CNTFR: variants seen among roughly 807,000 people sequenced by gnomAD.
CNTFR encodes ciliary neurotrophic factor receptor.
CNTFR carries 12 observed loss-of-function variants against 40.4 expected under a neutral mutation model. The observed-to-expected ratio is 0.30, with a 90% CI of 0.19 to 0.48. CNTFR has a LOEUF of 0.48. CNTFR is among the 20% of genes least tolerant of loss of function. CNTFR has a pLI of 0.99. For missense variants in CNTFR, 414 were observed against 506.8 expected (o/e 0.82, Z 1.76); for synonymous variants, 202 against 209.6 (o/e 0.96, Z 0.31).
intron 7 of CNTFR, among the ~76,000 whole-genome samples, chr9:34,553,497 T>C (rs774677936): frequency 1.4e-4 from 22 of 152,188 alleles, no homozygotes; most frequent in Non-Finnish European, 3.2e-4. Context: ...AGCACTGTCA[T>C]TACCATGGCT....
intron 2 of CNTFR, among the ~76,000 whole-genome samples, chr9:34,569,182 CT>C (rs1826460908): frequency 6.6e-6 from 1 of 152,172 alleles, no homozygotes; most frequent in South Asian, 2.1e-4. Context: ...CTTAGGAAGC[CT>C]GGTTTAAGGT....
At chr9:34,589,901 C>T (rs1315773572), upstream of CNTFR, among the ~76,000 whole-genome samples, 2 of 150,364 alleles carry the variant, frequency 1.3e-5, no homozygotes, top group South Asian at 2.1e-4. The surrounding 1 kb of genome is among the most constrained non-coding windows in gnomAD (Gnocchi z 4.4). Context: ...CGCCACGACC[C>T]CTCCCCGCCA....
chr9:34,583,246 T>G (rs1371007470), intron 1 of CNTFR, among the ~76,000 whole-genome samples: 1 of 152,232 alleles, frequency 6.6e-6, no homozygotes, highest in Non-Finnish European at 1.5e-5. Flanking sequence ...TATCTTGGAT[T>G]AATGCCCTTT....
At chr9:34,575,163 G>A (rs1287524026) in intron 2 of CNTFR, among the ~76,000 whole-genome samples, 2 of 152,142 alleles carry the variant, frequency 1.3e-5, no homozygotes, top group Admixed American at 1.3e-4. Context: ...TGGACACATA[G>A]GCTCTGGAGA....
At chr9:34,575,389 G>A (rs2132221819) in intron 2 of CNTFR, among the ~76,000 whole-genome samples, 1 of 152,302 alleles carries the variant, frequency 6.6e-6, no homozygotes, top group South Asian at 2.1e-4. Flanking sequence ...GAAAGGCAGG[G>A]GATGGGCAGA....
intron 1 of CNTFR, among the ~76,000 whole-genome samples, chr9:34,583,466 G>A (rs1307464540): frequency 6.6e-6 from 1 of 152,136 alleles, no homozygotes; most frequent in Non-Finnish European, 1.5e-5. Flanking sequence ...CAGGAGGAAG[G>A]CACCAGGACA....
chr9:34,564,576 T>A (rs755382322), intron 4 of CNTFR, 23 bp downstream of exon 4: 9 of 1,581,686 alleles, frequency 5.7e-6, no homozygotes, highest in Non-Finnish European at 7.7e-6. Flanking sequence ...GGAGGCTGGA[T>A]GAGGGGTGGG....
chr9:34,561,777 C>T (rs1283924938), intron 4 of CNTFR, among the ~76,000 whole-genome samples: 2 of 152,226 alleles, frequency 1.3e-5, no homozygotes, highest in Non-Finnish European at 2.9e-5. Flanking sequence ...TTGCCAAAGC[C>T]AGTCTCTTGT....
intron 4 of CNTFR, among the ~76,000 whole-genome samples, chr9:34,563,466 G>T (rs2132155705): frequency 6.6e-6 from 1 of 152,312 alleles, no homozygotes; most frequent in African/African-American, 2.4e-5. Flanking sequence ...TCGCCAAGAG[G>T]CAATGTCTGG....
At chr9:34,567,881 G>C (rs1255348684) in intron 3 of CNTFR, 1 of 152,232 alleles carries the variant, frequency 6.6e-6, no homozygotes, top group Non-Finnish European at 1.5e-5. Flanking sequence ...GGGGACACAA[G>C]GTAGAGACCA....
chr9:34,572,333 CAG>C (rs1012569460), intron 2 of CNTFR, among the ~76,000 whole-genome samples: 1 of 152,118 alleles, frequency 6.6e-6, no homozygotes, highest in African/African-American at 2.4e-5. Context: ...CCACCCATCC[CAG>C]GGCAAAGAGC....
intron 1 of CNTFR, among the ~76,000 whole-genome samples, chr9:34,584,675 C>T (rs1827467162): frequency 6.6e-6 from 1 of 152,230 alleles, no homozygotes; most frequent in Admixed American, 6.5e-5. Context: ...GGAATTTCTT[C>T]TTGTCCAAGA....
At chr9:34,568,787 G>A in intron 3 of CNTFR, 110 bp downstream of exon 3, 1 of 966,318 alleles carries the variant, frequency 1.0e-6, no homozygotes, top group Non-Finnish European at 1.6e-6. Flanking sequence ...GGTCATGTGT[G>A]ACAATGCCAG....
rs1267637768 is a variant in CNTFR, at chr9:34,556,411, A to G, written c.612T>C (p.Pro204=). 6.2e-7 allele frequency: 1 copy of G among 1,609,302 alleles called. No individual in the cohort carries two copies. The highest frequency in any genetic ancestry group is 1.7e-5 in the Admixed American group (1 of 59,696). ...ITFDEFTIVK[P]DPPENVVARP... is the part of the protein sequence containing the mutation. Reference sequence around the variant, plus strand: ...GGGCTACCACATTTTCTGGAGGATCAGGCTTCACTGTTCAGGAGACATAGC... The same window carrying G: ...GGGCTACCACATTTTCTGGAGGATCGGGCTTCACTGTTCAGGAGACATAGC... Residue 204 remains proline (P), a synonymous_variant, in exon 7 of 10, where the codon CCT becomes CCC. Transcript: ENST00000378980.
At position 34,575,356 on chromosome 9, in the gene CNTFR, T is replaced by A. The variant is rs974827830; in HGVS notation, c.-1+5739A>T. On this transcript the variant is annotated intron_variant, in intron 2 of 9. Coordinates refer to ENST00000378980, the MANE Select transcript of CNTFR (RefSeq NM_147164.3). The stretch of plus-strand genomic sequence containing the variant: ...TGTAGGGACAGAACGCTGTAGCACA[T>A]TAGACAGCTGGAAGAACTCAACGAA... Among the ~76,000 whole-genome samples the A allele has an allele frequency of 2.0e-5, 3 of 152,120 alleles. No individual in the cohort carries two copies. In the East Asian group the frequency reaches 5.8e-4, roughly 29 times the overall value.
intron 6 of CNTFR, 91 bp from the exon 7 acceptor site, chr9:34,556,509 G>T (rs1825841338): frequency 7.8e-7 from 1 of 1,275,642 alleles, no homozygotes; most frequent in Non-Finnish European, 1.1e-6. Context: ...CTCTCATATT[G>T]CCAACCATTG....
chr9:34,563,539 C>T (rs181329926), intron 4 of CNTFR, among the ~76,000 whole-genome samples: 12 of 152,362 alleles, frequency 7.9e-5, no homozygotes, highest in Admixed American at 3.3e-4. Flanking sequence ...CATTCCTTCA[C>T]GGTATTTCCT....
In CNTFR at chr9:34,552,390, G is replaced by T; in HGVS notation, c.950-61C>A. 6.8e-7 allele frequency: 1 copy of T among 1,464,304 alleles called. No homozygotes were observed. Among genetic ancestry groups the T allele is most frequent in the Non-Finnish European group, 9.1e-7 (1 of 1,096,644 alleles). 90.7% of individuals were successfully genotyped at this position (1,464,304 alleles called of 1,614,324 possible). ...GGCTGGGTCCCATCCAGATCTGGGG[G>T]CTCATGAGACATACCATTCTGCTTC... On this transcript the variant is annotated intron_variant, in intron 8 of 9. Transcript: ENST00000378980. The surrounding 1 kb of genome is among the most constrained non-coding windows in gnomAD (Gnocchi z 5.1).
chr9:34,561,812 A>G (rs1402910954), intron 4 of CNTFR, among the ~76,000 whole-genome samples: 1 of 152,246 alleles, frequency 6.6e-6, no homozygotes, highest in African/African-American at 2.4e-5. Context: ...GACTGAGACG[A>G]TAATGATTAA....
Sources: gnomAD v4.1 joint callset for allele counts (sites outside exome capture counted in the v4.1 genomes callset) on GRCh38, gnomAD v4.1.1 for gene constraint, Gnocchi (gnomAD v3.1) non-coding constraint, MANE v1.5 for transcripts, NCBI Gene and HGNC (gene_info 2026-07-23, HGNC 2026-07-21) for gene names.